The following EML6 variants were observed in gnomAD, a reference collection of about 807,000 sequenced individuals.
EML6 encodes the protein EMAP like 6.
Under a neutral mutation model 240.1 loss-of-function variants are expected in EML6, and 154 were observed. The ratio of observed to expected loss-of-function variants is 0.64; its 90% confidence interval spans 0.56 to 0.73. The LOEUF is 0.73. Ranked by LOEUF, EML6 falls within the 30% of genes least tolerant of loss-of-function variation. The pLI is 0.00. For missense variants in EML6, 2,964 were observed against 2,474.6 expected (o/e 1.20, Z -4.20); for synonymous variants, 1,148 against 899.0 (o/e 1.28, Z -4.95).
In EML6 at chr2:54,924,713, T is replaced by A. The variant is rs7591666; in HGVS notation, c.3676-3600T>A. 3.3e-5 allele frequency among the ~76,000 whole-genome samples: 5 copies of A among 152,278 alleles called. No individual in the cohort carries two copies. In the South Asian group the frequency reaches 1.0e-3, roughly 32 times the overall value. ...AATAGCTGGGATCACAGGTGCCTGC[T>A]GCCATACCTGGCTAATTTTTTGTAT... On this transcript the variant is annotated intron_variant, in intron 26 of 41. Coordinates refer to ENST00000356458, the MANE Select transcript of EML6 (RefSeq NM_001039753.4).
chr2:54,810,925 A>T (rs896121864), intron 2 of EML6, among the ~76,000 whole-genome samples: 1 of 152,178 alleles, frequency 6.6e-6, no homozygotes, highest in Admixed American at 6.5e-5. Flanking sequence ...TCCCAGGATC[A>T]GGCTCATAGG....
chr2:54,765,078 G>A (rs546526198), intron 2 of EML6, among the ~76,000 whole-genome samples: 10 of 151,044 alleles, frequency 6.6e-5, no homozygotes, highest in South Asian at 2.1e-4. Context: ...CCACTTTCTC[G>A]TAATAATATA....
chr2:54,837,399 C>T (rs911221728), intron 7 of EML6, among the ~76,000 whole-genome samples: 1 of 152,144 alleles, frequency 6.6e-6, no homozygotes, highest in African/African-American at 2.4e-5. Context: ...TTACTAGCCC[C>T]GTTGAGGGCC....
chr2:54,740,426 G>A (rs1683580044), intron 2 of EML6, among the ~76,000 whole-genome samples: 1 of 152,072 alleles, frequency 6.6e-6, no homozygotes. Context: ...AAGAAGGTGA[G>A]TCTGGAAAAC....
chr2:54,879,829 G>T, intron 17 of EML6, 189 bp downstream of exon 17: 1 of 572,374 alleles, frequency 1.7e-6, no homozygotes, highest in Non-Finnish European at 3.1e-6. Context: ...GGTCATGTTT[G>T]TTGCGGTGAA....
Position 54,786,776 on chromosome 2 carries a change from A to C in EML6, c.198-26456A>C, listed in dbSNP as rs540831149. On this transcript the variant is annotated intron_variant, in intron 2 of 41. Transcript: ENST00000356458. ...GCTCTGTTAAGACAGCTGGTCTCTAAAGCCCAGGTTAAAGTAATGTTCTCC... is the reference window on the plus strand; with the variant it reads ...GCTCTGTTAAGACAGCTGGTCTCTACAGCCCAGGTTAAAGTAATGTTCTCC... Among the ~76,000 whole-genome samples the C allele has an allele frequency of 5.3e-5, 8 of 152,344 alleles. No individual in the cohort carries two copies. The South Asian group carries it at 1.5e-3, about 28-fold the overall frequency.
intron 2 of EML6, among the ~76,000 whole-genome samples, chr2:54,786,212 C>G (rs868605521): frequency 6.6e-6 from 1 of 152,040 alleles, no homozygotes; most frequent in African/African-American, 2.4e-5. Context: ...TGTCTCTTTT[C>G]CCTGGAAGTT....
At chr2:54,870,375 T>TTA (rs1306346806) in intron 15 of EML6, among the ~76,000 whole-genome samples, 1 of 149,852 alleles carries the variant, frequency 6.7e-6, no homozygotes, top group Non-Finnish European at 1.5e-5. Context: ...GACCATTGGT[T>TTA]TATACATGAA....
At chr2:54,814,210 C>G (rs1427095926) in intron 3 of EML6, among the ~76,000 whole-genome samples, 5 of 152,184 alleles carry the variant, frequency 3.3e-5, no homozygotes, top group African/African-American at 1.2e-4. Flanking sequence ...CTGCAAGACT[C>G]CTATAGCAGA....
intron 24 of EML6, among the ~76,000 whole-genome samples, chr2:54,908,870 C>T (rs953494573): frequency 6.6e-5 from 10 of 152,090 alleles, no homozygotes; most frequent in African/African-American, 2.4e-4. Flanking sequence ...CATCTGCCCG[C>T]AGAGTATAAA....
intron 12 of EML6, among the ~76,000 whole-genome samples, chr2:54,863,295 C>T (rs76807009): frequency 0.02 from 2,973 of 152,280 alleles, 92 homozygotes; most frequent in African/African-American, 0.067. Context: ...CAGGTATCTG[C>T]TATCTAATAG....
chr2:54,959,175 G>C lies in EML6; in HGVS notation c.4767G>C (p.Leu1589=). The C allele has an allele frequency of 6.4e-7, 1 of 1,551,574 alleles. No homozygotes were observed. The highest frequency in any genetic ancestry group is 8.7e-7 in the Non-Finnish European group (1 of 1,146,940). The change falls in exon 34 of 42, where the codon CTG becomes CTC. Residue 1589 remains leucine (L), a synonymous_variant. Coordinates refer to ENST00000356458, the MANE Select transcript of EML6 (RefSeq NM_001039753.4). The part of the protein sequence containing the change: ...YVWKDHFLIR[L]VAKAHTGPVF... Reference sequence around the variant, plus strand: ...GGAAGGACCACTTCCTCATCCGGCTGGTGGCCAAGGCTCACACAGGCCCCG... The same window carrying C: ...GGAAGGACCACTTCCTCATCCGGCTCGTGGCCAAGGCTCACACAGGCCCCG...
intron 13 of EML6, 94 bp downstream of exon 13, chr2:54,863,983 CAAA>C (rs1485408542): frequency 4.4e-6 from 3 of 675,604 alleles, no homozygotes; most frequent in African/African-American, 1.9e-5. Flanking sequence ...GGCACTTAGA[CAAA>C]GAGAATTGAG....
intron 28 of EML6, among the ~76,000 whole-genome samples, chr2:54,941,780 G>A (rs754275948): frequency 1.3e-4 from 20 of 152,240 alleles, no homozygotes; most frequent in Non-Finnish European, 2.6e-4. Flanking sequence ...CACGCAGGGC[G>A]AGGAGCACTC....
At chr2:54,744,203 T>G (rs2103664347) in intron 2 of EML6, among the ~76,000 whole-genome samples, 1 of 152,272 alleles carries the variant, frequency 6.6e-6, no homozygotes, top group South Asian at 2.1e-4. Flanking sequence ...GGCGGCCTTC[T>G]GAGCTAAAGA....
intron 5 of EML6, among the ~76,000 whole-genome samples, chr2:54,825,469 C>T (rs1016544155): frequency 3.9e-5 from 6 of 152,118 alleles, no homozygotes; most frequent in Admixed American, 3.3e-4. Context: ...TGCCATGTTG[C>T]CCAGGATGGT....
chr2:54,858,639 T>C (rs1470939814), intron 11 of EML6, among the ~76,000 whole-genome samples: 1 of 152,202 alleles, frequency 6.6e-6, no homozygotes, highest in African/African-American at 2.4e-5. Context: ...CCCTAATTTT[T>C]CTCAGAGCCC....
chr2:54,849,895 A>G lies in EML6; in HGVS notation c.1188-67A>G, dbSNP rs906619643. 14 of 1,325,384 alleles carry G rather than the reference A, an allele frequency of 1.1e-5. 1 individual carries two copies. Among genetic ancestry groups the G allele is most frequent in the South Asian group, 4.2e-5 (3 of 72,026 alleles). 82.1% of individuals were successfully genotyped at this position (1,325,384 alleles called of 1,614,324 possible). On this transcript the variant is annotated intron_variant, in intron 9 of 41. Transcript: ENST00000356458. ...CAACACACTTCTTTTTCTGACACATATATTTTAAAACTTGGATTTTCTATT... is the reference window on the plus strand; with the variant it reads ...CAACACACTTCTTTTTCTGACACATGTATTTTAAAACTTGGATTTTCTATT...
intron 2 of EML6, among the ~76,000 whole-genome samples, chr2:54,735,293 G>A (rs888878098): frequency 2.6e-5 from 4 of 152,188 alleles, no homozygotes; most frequent in Non-Finnish European, 5.9e-5. Context: ...AATTTCATGT[G>A]TGTGTCCCTG....
Sources: gnomAD v4.1 joint callset for allele counts (sites outside exome capture counted in the v4.1 genomes callset) on GRCh38, gnomAD v4.1.1 for gene constraint, MANE v1.5 for transcripts, NCBI Gene and HGNC (gene_info 2026-07-23, HGNC 2026-07-21) for gene names.